The following SCN11A variants were observed in gnomAD, a reference collection of about 807,000 sequenced individuals.
The protein encoded by SCN11A is sodium channel protein type 11 subunit alpha.
SCN11A carries 122 observed loss-of-function variants against 162.2 expected under a neutral mutation model. The ratio of observed to expected loss-of-function variants is 0.75; its 90% CI spans 0.65 to 0.87. The LOEUF (loss-of-function observed/expected upper bound fraction) is 0.87. Ranked by LOEUF, SCN11A falls within the 40% of genes least tolerant of loss-of-function variation. The pLI, the probability that SCN11A is intolerant of heterozygous loss-of-function variation, is 0.00. For synonymous variants in SCN11A, 758 were observed against 751.5 expected (o/e 1.01, Z -0.14); for missense variants, 2,015 against 2,181.6 (o/e 0.92, Z 1.52).
intron 2 of SCN11A, among the ~76,000 whole-genome samples, chr3:39,012,954 T>C (rs1004993067): frequency 1.4e-4 from 22 of 152,238 alleles, no homozygotes; most frequent in Admixed American, 4.6e-4. Flanking sequence ...CTTTTTCTTA[T>C]GTTCATTTCT....
chr3:38,967,637 T>C (rs2066791237), intron 2 of SCN11A, among the ~76,000 whole-genome samples: 2 of 152,226 alleles, frequency 1.3e-5, no homozygotes, highest in South Asian at 2.1e-4. Flanking sequence ...TGAGGTGGGA[T>C]GCTGTCAGTA....
chr3:38,861,699 T>C (rs1482092681), intron 28 of SCN11A, among the ~76,000 whole-genome samples: 1 of 152,140 alleles, frequency 6.6e-6, no homozygotes, highest in African/African-American at 2.4e-5. Context: ...TGTAGAAGAA[T>C]GAAGCCAGAT....
chr3:38,889,867 T>TA (rs772235403), intron 19 of SCN11A, among the ~76,000 whole-genome samples: 1 of 135,738 alleles, frequency 7.4e-6, no homozygotes, highest in African/African-American at 2.8e-5. Context: ...TAAAATAAAA[T>TA]AAAGAAATAA....
rs2065583911 is a variant in SCN11A, at chr3:38,895,623, C to T, written c.2404-659G>A. ...AAATTCCTTTGTTTGTGGCTCTCTT[C>T]AGCTCGACAATAGACAGCCTTTGGA... On this transcript the variant is annotated intron_variant, in intron 18 of 29. Coordinates refer to ENST00000302328, the MANE Select transcript of SCN11A (RefSeq NM_001349253.2). Among the ~76,000 whole-genome samples the T allele has an allele frequency of 2.0e-5, 3 of 152,308 alleles. No individual in the cohort carries two copies. The South Asian group carries it at 6.2e-4, about 32-fold the overall frequency.
intron 9 of SCN11A, among the ~76,000 whole-genome samples, chr3:38,922,958 C>A (rs1351789826): frequency 6.6e-6 from 1 of 151,720 alleles, no homozygotes; most frequent in Non-Finnish European, 1.5e-5. Context: ...GGAAAGGAGT[C>A]CAGAGAGGGA....
At chr3:38,990,107 G>A (rs1175834891) in intron 2 of SCN11A, among the ~76,000 whole-genome samples, 1 of 152,224 alleles carries the variant, frequency 6.6e-6, no homozygotes, top group Admixed American at 6.5e-5. Flanking sequence ...GAAGTGCAGA[G>A]CATTGCTGCC....
chr3:38,995,072 T>G (rs570281427), intron 2 of SCN11A, among the ~76,000 whole-genome samples: 4 of 151,996 alleles, frequency 2.6e-5, no homozygotes, highest in African/African-American at 9.7e-5. Context: ...AAAGACTTAG[T>G]GTGACTTCTG....
chr3:38,909,953 G>T, intron 12 of SCN11A, 113 bp downstream of exon 12: 1 of 984,726 alleles, frequency 1.0e-6, no homozygotes. Flanking sequence ...TGATAAAAGT[G>T]GGGGATGAAT....
intron 2 of SCN11A, among the ~76,000 whole-genome samples, chr3:38,997,870 C>G (rs1221687843): frequency 6.6e-6 from 1 of 152,184 alleles, no homozygotes; most frequent in African/African-American, 2.4e-5. Context: ...GAATACCAAC[C>G]AATGCCTGTT....
rs182449073 is a variant in SCN11A, at chr3:38,871,460, G to A, written c.3744C>T (p.Leu1248=). 46 of 1,608,492 alleles carry A rather than the reference G, an allele frequency of 2.9e-5. 1 individual carries two copies. In the East Asian group the frequency reaches 7.1e-4, roughly 25 times the overall value. The change falls in exon 25 of 30, where the codon CTC becomes CTT. Residue 1248 remains leucine, a synonymous_variant. Coordinates refer to ENST00000302328, the MANE Select transcript of SCN11A (RefSeq NM_001349253.2). ...VNFDNVGNAY[L]ALLQVATFKG... ...CTGTACTTACCACTTGCAGCAGAGC[G>A]AGGTAAGCATTTCCCACATTGTCAA...
chr3:38,938,890 T>C (rs2066398122), intron 7 of SCN11A, among the ~76,000 whole-genome samples: 1 of 151,854 alleles, frequency 6.6e-6, no homozygotes. Context: ...TTAAATAGAA[T>C]TTAAGGCCAG....
At chr3:38,952,413 G>A (rs1403391677) in intron 4 of SCN11A, among the ~76,000 whole-genome samples, 1 of 152,150 alleles carries the variant, frequency 6.6e-6, no homozygotes, top group East Asian at 1.9e-4. Context: ...ATCTAGGGCT[G>A]ACTCTTACAC....
intron 18 of SCN11A, among the ~76,000 whole-genome samples, chr3:38,896,271 G>A (rs906371302): frequency 6.6e-6 from 1 of 152,124 alleles, no homozygotes; most frequent in Non-Finnish European, 1.5e-5. Flanking sequence ...GAAGTTAGGG[G>A]AACAGGGACC....
rs7616269 is a variant in SCN11A, at chr3:38,903,661, C to T, written c.1842+204G>A. Reference sequence around the variant, plus strand: ...TGGCTAAAGAGATACCTGAACATACCAGAGGGCCAACTCAGGACACATGGA... The same window carrying T: ...TGGCTAAAGAGATACCTGAACATACTAGAGGGCCAACTCAGGACACATGGA... On this transcript the variant is annotated intron_variant, in intron 16 of 29. Coordinates refer to ENST00000302328, the MANE Select transcript of SCN11A (RefSeq NM_001349253.2). 0.012 allele frequency among the ~76,000 whole-genome samples: 1,828 copies of T among 152,162 alleles called. 36 individuals are homozygous for T. Among genetic ancestry groups the T allele is most frequent in the African/African-American group, 0.041 (1,705 of 41,512 alleles).
chr3:38,973,206 A>C (rs2066828233), intron 2 of SCN11A, among the ~76,000 whole-genome samples: 1 of 152,230 alleles, frequency 6.6e-6, no homozygotes, highest in African/African-American at 2.4e-5. Context: ...ATTTAATCTT[A>C]TGTTTAGAAA....
intron 29 of SCN11A, chr3:38,849,939 T>C (rs2064747171): frequency 6.6e-6 from 1 of 152,570 alleles, no homozygotes; most frequent in South Asian, 2.1e-4. Flanking sequence ...AAAAAAAGCT[T>C]TGATTGTCTG....
intron 28 of SCN11A, among the ~76,000 whole-genome samples, chr3:38,851,057 C>A (rs1007385271): frequency 6.6e-6 from 1 of 152,120 alleles, no homozygotes; most frequent in Non-Finnish European, 1.5e-5. Flanking sequence ...TGATGATGTG[C>A]TTTGCTGAAA....
chr3:39,043,015 A>G (rs1014317442), intron 1 of SCN11A, among the ~76,000 whole-genome samples: 1 of 151,790 alleles, frequency 6.6e-6, no homozygotes, highest in African/African-American at 2.4e-5. Flanking sequence ...AGATCTGACT[A>G]GACATTTCTC....
Position 38,871,678 on chromosome 3 carries a change from G to C in SCN11A, c.3526C>G (p.Pro1176Ala). 6.2e-7 allele frequency: 1 copy of C among 1,611,036 alleles called. No homozygotes were observed. Among genetic ancestry groups the C allele is most frequent in the Non-Finnish European group, 8.5e-7 (1 of 1,178,640 alleles). Residue 1176 changes from proline to alanine, a missense_variant, in exon 25 of 30, where the codon CCT becomes GCT. Coordinates refer to ENST00000302328, the MANE Select transcript of SCN11A (RefSeq NM_001349253.2). ...ACAAGCAAAACATTCAGAATGGCAG[G>C]TATGGCACCTATGAGAGCATTGACC... ...VVVNALIGAIPAILNVLLVCL... is the reference protein window; with the variant it reads ...VVVNALIGAIAAILNVLLVCL...
Sources: allele counts gnomAD v4.1 joint callset (sites outside exome capture counted in the v4.1 genomes callset), GRCh38; gene constraint gnomAD v4.1.1; transcripts MANE v1.5; gene names NCBI Gene and HGNC (gene_info 2026-07-23, HGNC 2026-07-21).